The following PAK3 variants were observed in gnomAD, a reference collection of about 807,000 sequenced individuals.
The protein encoded by PAK3 is serine/threonine-protein kinase PAK 3.
Under a neutral mutation model 41.0 loss-of-function variants are expected in PAK3, and 4 were observed. The ratio of observed to expected loss-of-function variants is 0.10; its 90% CI spans 0.05 to 0.22. PAK3 has a LOEUF of 0.22. Ranked by LOEUF, PAK3 falls within the 10% of genes least tolerant of loss-of-function variation. The pLI is 1.00. For synonymous variants in PAK3, 146 were observed against 139.6 expected (o/e 1.05, Z -0.32); for missense variants, 205 against 409.9 (o/e 0.50, Z 4.32).
chrX:110,951,589 C>T (rs2090746839), intron 1 of PAK3, among the ~76,000 whole-genome samples: 1 of 112,161 alleles, frequency 8.9e-6, no homozygotes, highest in African/African-American at 3.2e-5. Context: ...GGTTTTGGCT[C>T]TTAAATCAAA....
At chrX:111,156,761 A>C (rs1220823836) in intron 8 of PAK3, among the ~76,000 whole-genome samples, 1 of 111,852 alleles carries the variant, frequency 8.9e-6, no homozygotes, top group Non-Finnish European at 1.9e-5. Flanking sequence ...TCAGGGATAG[A>C]TCTCATAGTC....
chrX:111,158,242 T>G (rs750968783), intron 8 of PAK3, among the ~76,000 whole-genome samples: 15 of 112,131 alleles, frequency 1.3e-4, no homozygotes, highest in African/African-American at 4.9e-4. Flanking sequence ...AGGAAGGGGC[T>G]TGAAGCAAGT....
At position 111,192,118 on chromosome X, in the gene PAK3, C is replaced by T. The variant is rs770873813; in HGVS notation, c.831-9C>T. ...TTGCTTATTCTTTTGATAATTTTCACCTTCACAGGGCATCAGGTACTGTTT... is the reference window on the plus strand; with the variant it reads ...TTGCTTATTCTTTTGATAATTTTCATCTTCACAGGGCATCAGGTACTGTTT... On this transcript the variant is annotated splice_polypyrimidine_tract_variant and intron_variant, in intron 11 of 17. Transcript: ENST00000372007. 9.5e-7 allele frequency: 1 copy of T among 1,054,176 alleles called. No homozygotes were observed. Among genetic ancestry groups the T allele is most frequent in the Non-Finnish European group, 1.3e-6 (1 of 753,738 alleles). The allele number at this position is 1,054,176 out of a possible 1,213,427, so 86.9% of individuals were successfully genotyped here. A position where few individuals can be genotyped will look rare whatever the true frequency, so the allele number is the denominator to read the frequency against.
At chrX:110,976,551 C>T (rs914435069) in intron 1 of PAK3, among the ~76,000 whole-genome samples, 2 of 111,825 alleles carry the variant, frequency 1.8e-5, no homozygotes, top group Admixed American at 9.4e-5. Context: ...GACAGTGTGG[C>T]GATTCCTCAA....
Position 111,012,442 on chromosome X carries a change from C to T in PAK3, c.-28+67814C>T, listed in dbSNP as rs1380535064. On this transcript the variant is annotated intron_variant, in intron 1 of 14. Coordinates refer to the PAK3 transcript ENST00000425146. ...CTCCAGATGCCTTCTTTCACTGACA[C>T]AATCCAATTATTCTCCTGCCTTTTC... Among the ~76,000 whole-genome samples, 13 of 111,923 alleles carry T rather than the reference C, an allele frequency of 1.2e-4. 1 individual carries two copies. The Admixed American group carries it at 1.2e-3, about 11-fold the overall frequency.
chrX:111,085,968 C>T (rs2092878149), intron 1 of PAK3, among the ~76,000 whole-genome samples: 1 of 110,978 alleles, frequency 9.0e-6, no homozygotes, highest in African/African-American at 3.3e-5. Flanking sequence ...GGAAAGAACA[C>T]AATAAAACTA....
At chrX:111,183,780 C>T (rs927928332) in intron 11 of PAK3, among the ~76,000 whole-genome samples, 9 of 111,573 alleles carry the variant, frequency 8.1e-5, no homozygotes, top group African/African-American at 2.9e-4. Flanking sequence ...TTTCTGGACC[C>T]TTCAGGCTAG....
chrX:111,153,837 T>A (rs1165560962), intron 8 of PAK3, among the ~76,000 whole-genome samples: 1 of 112,099 alleles, frequency 8.9e-6, no homozygotes, highest in Admixed American at 9.5e-5. Flanking sequence ...AAGAGATATT[T>A]ATACACCCAC....
intron 1 of PAK3, among the ~76,000 whole-genome samples, chrX:110,978,162 G>T (rs1208951111): frequency 1.8e-5 from 2 of 111,146 alleles, no homozygotes; most frequent in Non-Finnish European, 3.8e-5. Context: ...GTCCTTTATG[G>T]TATTGAAGTG....
intron 4 of PAK3, among the ~76,000 whole-genome samples, chrX:111,120,377 A>T (rs1183429525): frequency 1.8e-5 from 2 of 111,930 alleles, no homozygotes; most frequent in Admixed American, 9.5e-5. Flanking sequence ...AAGTCAGGGT[A>T]ATCAGGCAGC....
intron 4 of PAK3, among the ~76,000 whole-genome samples, chrX:111,122,852 G>A (rs73541107): frequency 8.9e-5 from 10 of 111,824 alleles, no homozygotes; most frequent in African/African-American, 3.2e-4. Flanking sequence ...TATTTGAAAA[G>A]CCATTAATTA....
chrX:111,119,513 C>T (rs1049057797), intron 4 of PAK3, among the ~76,000 whole-genome samples: 13 of 111,490 alleles, frequency 1.2e-4, no homozygotes, highest in African/African-American at 3.9e-4. Context: ...TTTTTTTTAT[C>T]GGATTCCTAG....
intron 7 of PAK3, among the ~76,000 whole-genome samples, chrX:111,149,751 A>C (rs1383862808): frequency 9.0e-6 from 1 of 111,173 alleles, no homozygotes; most frequent in Non-Finnish European, 1.9e-5. Flanking sequence ...CCAAAAAACC[A>C]GTTTTTCCTC....
intron 1 of PAK3, among the ~76,000 whole-genome samples, chrX:110,946,933 T>A (rs1191848052): frequency 1.8e-5 from 2 of 112,391 alleles, no homozygotes; most frequent in Non-Finnish European, 3.8e-5. Flanking sequence ...CTGTGCTGTA[T>A]GTTAGTTTTA....
chrX:111,094,049 G>A (rs2092949461), upstream of PAK3, among the ~76,000 whole-genome samples: 1 of 109,085 alleles, frequency 9.2e-6, no homozygotes, highest in African/African-American at 3.3e-5. Flanking sequence ...TTTTTACCAT[G>A]GTGTAGAAAA....
At chrX:111,189,315 A>G (rs2208021) in intron 11 of PAK3, among the ~76,000 whole-genome samples, 19,703 of 111,267 alleles carry the variant, frequency 0.18, 3,791 homozygotes, top group African/African-American at 0.57. Context: ...TTCTTTATCC[A>G]ATCCAGCATT....
intron 16 of PAK3, among the ~76,000 whole-genome samples, chrX:111,213,130 C>T (rs189500572): frequency 8.9e-6 from 1 of 112,126 alleles, no homozygotes; most frequent in African/African-American, 3.2e-5. Flanking sequence ...CAGATCAACA[C>T]TAATCAACCA....
Position 111,217,089 on chromosome X carries a change from T to C in PAK3, c.1545+531T>C, listed in dbSNP as rs1050718775. ...GGCTCCCAGGGATTAGTATACATGA[T>C]GAGAAATAATACTTACTATGTACCA... On this transcript the variant is annotated intron_variant, in intron 17 of 17. Transcript: ENST00000372007. The C allele has an allele frequency of 5.6e-5, 38 of 682,125 alleles. No homozygotes were observed. The Middle Eastern group carries it at 3.5e-3, about 62-fold the overall frequency. 56.2% of individuals were successfully genotyped at this position (682,125 alleles called of 1,213,427 possible). A position where few individuals can be genotyped will look rare whatever the true frequency, so the allele number is the denominator to read the frequency against.
chrX:111,048,988 C>A (rs935931944), intron 1 of PAK3, among the ~76,000 whole-genome samples: 9 of 111,714 alleles, frequency 8.1e-5, no homozygotes, highest in Non-Finnish European at 1.7e-4. Flanking sequence ...AAGGGCCCTG[C>A]GGGATTTGGC....
Sources: allele counts gnomAD v4.1 joint callset (sites outside exome capture counted in the v4.1 genomes callset), GRCh38; gene constraint gnomAD v4.1.1; transcripts MANE v1.5; gene names NCBI Gene and HGNC (gene_info 2026-07-23, HGNC 2026-07-21).